IQCM: variants seen among roughly 807,000 people sequenced by gnomAD.
IQCM encodes IQ motif containing M, also known as IQ domain-containing protein M.
A neutral mutation model predicts 57.6 loss-of-function variants in IQCM; 45 were observed. The observed-to-expected ratio is 0.78, with a 90% CI of 0.62 to 1.00. The LOEUF (loss-of-function observed/expected upper bound fraction) is 1.00. Among genes scored for constraint, IQCM ranks in the 50% least tolerant of loss-of-function variants. The probability of loss-of-function intolerance (pLI) is 0.00; values close to 1 mark genes in which losing one functional copy is unlikely to be tolerated. For missense variants in IQCM, 468 were observed against 511.6 expected, an observed-to-expected ratio of 0.91 and a Z score of 0.82; for synonymous variants, 148 against 158.9, an observed-to-expected ratio of 0.93 and a Z score of 0.51.
intron 12 of IQCM, among the ~76,000 whole-genome samples, chr4:149,455,810 T>C (rs1332529094): frequency 6.6e-6 from 1 of 151,520 alleles, no homozygotes; most frequent in Non-Finnish European, 1.5e-5. Flanking sequence ...CTACAAATTT[T>C]CTTTTTTTTT....
chr4:149,718,951 T>C (rs1043824318), intron 5 of IQCM, among the ~76,000 whole-genome samples: 17 of 152,212 alleles, frequency 1.1e-4, no homozygotes, highest in African/African-American at 3.9e-4. Flanking sequence ...ATAAAACATT[T>C]ACAGGTTCTA....
At chr4:149,729,461 G>GT (rs34484810) in intron 5 of IQCM, among the ~76,000 whole-genome samples, 148 of 144,570 alleles carry the variant, frequency 1.0e-3, no homozygotes, top group Admixed American at 1.4e-3. Context: ...TTTTTTTGTT[G>GT]TTTTTTTTTT....
intron 8 of IQCM, among the ~76,000 whole-genome samples, chr4:149,593,484 C>CT (rs1473466965): frequency 6.6e-6 from 1 of 152,076 alleles, no homozygotes; most frequent in Non-Finnish European, 1.5e-5. Context: ...CCAGAACTTC[C>CT]AACACTATGT....
chr4:149,411,746 G>T (rs1267916714), intron 13 of IQCM, among the ~76,000 whole-genome samples: 1 of 151,946 alleles, frequency 6.6e-6, no homozygotes, highest in African/African-American at 2.4e-5. Context: ...TTTTTAATTG[G>T]GTACTATGCT....
At position 149,668,511 on chromosome 4, in the gene IQCM, C is replaced by T. The variant is rs183690678; in HGVS notation, c.565+13607G>A. Among the ~76,000 whole-genome samples, 13 of 152,140 alleles carry T rather than the reference C, an allele frequency of 8.5e-5. 1 individual carries two copies. The highest frequency in any genetic ancestry group is 6.8e-3 in the Middle Eastern group (2 of 294). The stretch of plus-strand genomic sequence containing the variant: ...AGACCATCAACATTGCCTCTCAGGG[C>T]AGCGGGGGGCAAGGGGAGGGATAAC... On this transcript the variant is annotated intron_variant, in intron 7 of 13. Coordinates refer to ENST00000636793, the MANE Select transcript of IQCM (RefSeq NM_001363507.2).
chr4:149,544,990 T>G (rs1023084399), intron 12 of IQCM, among the ~76,000 whole-genome samples: 1 of 151,748 alleles, frequency 6.6e-6, no homozygotes, highest in Non-Finnish European at 1.5e-5. Flanking sequence ...TTGGCTATGG[T>G]TTTTTTTAGT....
chr4:149,396,411 A>T (rs1345134136), intron 13 of IQCM, among the ~76,000 whole-genome samples: 3 of 151,976 alleles, frequency 2.0e-5, no homozygotes, highest in African/African-American at 7.2e-5. Flanking sequence ...ACTACTAGAC[A>T]CTGATATGCA....
intron 5 of IQCM, among the ~76,000 whole-genome samples, chr4:149,694,217 T>C (rs13110785): frequency 0.019 from 2,798 of 147,976 alleles, 96 homozygotes; most frequent in South Asian, 0.14. Context: ...TGGATTAATT[T>C]CTTTTTTTTT....
intron 9 of IQCM, among the ~76,000 whole-genome samples, chr4:149,565,358 T>C (rs1486429551): frequency 6.6e-6 from 1 of 152,224 alleles, no homozygotes; most frequent in Non-Finnish European, 1.5e-5. Context: ...TCTTGGTAAC[T>C]GAAATGTGGA....
intron 13 of IQCM, among the ~76,000 whole-genome samples, chr4:149,419,595 G>A (rs1004246167): frequency 6.6e-6 from 1 of 152,086 alleles, no homozygotes; most frequent in Non-Finnish European, 1.5e-5. Flanking sequence ...AAGATTTCAT[G>A]ATGAAATCAC....
chr4:149,619,379 T>C (rs1579727385), intron 8 of IQCM, among the ~76,000 whole-genome samples: 1 of 152,018 alleles, frequency 6.6e-6, no homozygotes, highest in Admixed American at 6.6e-5. Context: ...TTGTGTACAA[T>C]GTACATTATT....
chr4:149,468,482 C>T (rs865968674), intron 12 of IQCM, among the ~76,000 whole-genome samples: 2 of 152,196 alleles, frequency 1.3e-5, no homozygotes, highest in African/African-American at 2.4e-5. Context: ...AGCCAGGAAG[C>T]TCAAACTGGG....
intron 7 of IQCM, among the ~76,000 whole-genome samples, chr4:149,672,112 AC>A (rs746597452): frequency 6.6e-6 from 1 of 152,140 alleles, no homozygotes; most frequent in Non-Finnish European, 1.5e-5. Context: ...CCAAAACCCC[AC>A]CTATACATCA....
rs1211771978 is a variant in IQCM, at chr4:149,806,957, G to A, written c.-49+8354C>T. ...AAACAGGAATAAATTAAATCAAAGA[G>A]GTGAAAAATCTCTAAAAGAAAACCT... is the stretch of plus-strand genomic sequence containing the variant. On this transcript the variant is annotated intron_variant, in intron 2 of 13. Coordinates refer to ENST00000636793, the MANE Select transcript of IQCM (RefSeq NM_001363507.2). Among the ~76,000 whole-genome samples the A allele has an allele frequency of 2.6e-5, 4 of 151,460 alleles. No homozygotes were observed. The East Asian group carries it at 7.7e-4, about 29-fold the overall frequency.
At chr4:149,568,226 G>T (rs1027165226) in intron 9 of IQCM, among the ~76,000 whole-genome samples, 1 of 151,996 alleles carries the variant, frequency 6.6e-6, no homozygotes, top group Non-Finnish European at 1.5e-5. Flanking sequence ...TCCAGGTCAC[G>T]GTCTCTGGAA....
At chr4:149,554,949 T>C (rs1167242456) in intron 10 of IQCM, among the ~76,000 whole-genome samples, 11 of 152,146 alleles carry the variant, frequency 7.2e-5, no homozygotes, top group Non-Finnish European at 1.5e-5. Context: ...TCCGCCTGCC[T>C]CGGCCTCCCA....
intron 12 of IQCM, among the ~76,000 whole-genome samples, chr4:149,489,668 C>A (rs928566672): frequency 6.6e-6 from 1 of 151,808 alleles, no homozygotes; most frequent in African/African-American, 2.4e-5. Flanking sequence ...TTAATTACAG[C>A]CACCAAGGTA....
At chr4:149,499,041 T>C (rs1267283122) in intron 12 of IQCM, among the ~76,000 whole-genome samples, 1 of 152,150 alleles carries the variant, frequency 6.6e-6, no homozygotes. Flanking sequence ...AACTTGTAAT[T>C]ACCAGCATAT....
chr4:149,743,930 G>A (rs1767690300), intron 2 of IQCM, among the ~76,000 whole-genome samples: 1 of 152,292 alleles, frequency 6.6e-6, no homozygotes, highest in East Asian at 1.9e-4. Context: ...AGAGTTCCAT[G>A]GAGACCCTTG....
Sources: allele counts gnomAD v4.1 joint callset (sites outside exome capture counted in the v4.1 genomes callset), GRCh38; gene constraint gnomAD v4.1.1; transcripts MANE v1.5; gene names NCBI Gene and HGNC (gene_info 2026-07-23, HGNC 2026-07-21).